Variants in CALN1 observed in about 807,000 individuals in gnomAD.
CALN1 encodes the protein calneuron 1, also known as calcium-binding protein 8.
Under a neutral mutation model 30.6 loss-of-function variants are expected in CALN1, and 17 were observed. The ratio of observed to expected loss-of-function variants is 0.56; its 90% CI spans 0.38 to 0.83. The LOEUF is 0.83. CALN1 is among the 40% of genes least tolerant of loss of function. CALN1 has a pLI of 0.00. For synonymous variants in CALN1, 156 were observed against 131.4 expected (o/e 1.19, Z -1.28); for missense variants, 291 against 354.9 (o/e 0.82, Z 1.45).
chr7:72,168,456 T>A (rs1236305390), intron 3 of CALN1, among the ~76,000 whole-genome samples: 1 of 152,212 alleles, frequency 6.6e-6, no homozygotes, highest in African/African-American at 2.4e-5. Flanking sequence ...CTAATGAATC[T>A]ACAGCTCAGG....
Position 71,811,210 on chromosome 7 carries a change from T to C in CALN1, c.502-718A>G, listed in dbSNP as rs373223005. On this transcript the variant is annotated intron_variant, in intron 5 of 6. Coordinates refer to ENST00000395275, the MANE Select transcript of CALN1 (RefSeq NM_031468.4). ...CCACGCCCGGCCTAATTATGTATCG[T>C]TTAAAAAAAAATTTAGAGACAGGGT... Among the ~76,000 whole-genome samples the C allele has an allele frequency of 9.2e-5, 14 of 151,994 alleles. 1 individual carries two copies. The East Asian group carries it at 9.7e-4, about 11-fold the overall frequency.
intron 3 of CALN1, among the ~76,000 whole-genome samples, chr7:72,216,289 G>A (rs1253176405): frequency 6.6e-6 from 1 of 151,950 alleles, no homozygotes; most frequent in African/African-American, 2.4e-5. Flanking sequence ...AACTGAGCGT[G>A]GTGGTGTGCA....
chr7:72,336,881 C>G (rs1802094340), intron 2 of CALN1: 1 of 985,042 alleles, frequency 1.0e-6, no homozygotes, highest in Non-Finnish European at 1.2e-6. Flanking sequence ...GGCATCCTCG[C>G]TGCCGCCGGC....
chr7:71,993,127 G>A (rs1799045826), intron 5 of CALN1, among the ~76,000 whole-genome samples: 3 of 152,078 alleles, frequency 2.0e-5, no homozygotes, highest in African/African-American at 7.2e-5. Context: ...TAGCCAGAAG[G>A]CAACATGGAT....
intron 1 of CALN1, among the ~76,000 whole-genome samples, chr7:72,440,803 A>G (rs1808321493): frequency 6.6e-6 from 1 of 152,182 alleles, no homozygotes; most frequent in East Asian, 1.9e-4. Context: ...CTCCAGCCTC[A>G]GCAACAGAGC....
chr7:71,982,255 G>C (rs1798437855), intron 5 of CALN1, among the ~76,000 whole-genome samples: 1 of 152,172 alleles, frequency 6.6e-6, no homozygotes, highest in Non-Finnish European at 1.5e-5. Context: ...CAGAGATGCT[G>C]AATAATTAAT....
chr7:71,883,698 C>A (rs1792721016), intron 5 of CALN1, among the ~76,000 whole-genome samples: 1 of 152,094 alleles, frequency 6.6e-6, no homozygotes, highest in Non-Finnish European at 1.5e-5. Context: ...GTAAATCCCG[C>A]CCTTAGGTCA....
At chr7:72,008,470 GATA>G (rs139937414) in intron 5 of CALN1, among the ~76,000 whole-genome samples, 21,672 of 151,438 alleles carry the variant, frequency 0.14, 2,331 homozygotes, top group East Asian at 0.37. Context: ...TATTATAAAT[GATA>G]ATAAATGATC....
At chr7:72,379,745 G>A (rs1216336582) in intron 2 of CALN1, among the ~76,000 whole-genome samples, 1 of 152,166 alleles carries the variant, frequency 6.6e-6, no homozygotes, top group East Asian at 1.9e-4. Flanking sequence ...TCATGTTTTA[G>A]CATTCTATCT....
chr7:72,372,381 T>A (rs926193011), intron 2 of CALN1, among the ~76,000 whole-genome samples: 1 of 152,096 alleles, frequency 6.6e-6, no homozygotes, highest in Non-Finnish European at 1.5e-5. Context: ...CAACTGTAGT[T>A]GCAGAAAGCA....
intron 2 of CALN1, among the ~76,000 whole-genome samples, chr7:72,285,267 T>G (rs750918848): frequency 7.9e-5 from 12 of 152,174 alleles, no homozygotes; most frequent in Non-Finnish European, 1.6e-4. Context: ...GTTTTTGAGA[T>G]GGAGTCTTGC....
chr7:71,815,847 C>T (rs1396816216), intron 5 of CALN1, among the ~76,000 whole-genome samples: 1 of 136,478 alleles, frequency 7.3e-6, no homozygotes, highest in South Asian at 2.5e-4. Context: ...TCCCTCCTTC[C>T]TTCCTTCTTT....
At chr7:72,173,748 A>G (rs538256721) in intron 3 of CALN1, among the ~76,000 whole-genome samples, 2 of 152,320 alleles carry the variant, frequency 1.3e-5, no homozygotes, top group African/African-American at 4.8e-5. Flanking sequence ...CATGAGAAAG[A>G]AATAAACAAC....
chr7:72,406,558 A>C (rs1030923597), intron 1 of CALN1, among the ~76,000 whole-genome samples: 4 of 151,848 alleles, frequency 2.6e-5, no homozygotes, highest in Non-Finnish European at 5.9e-5. Context: ...TTTGAGCCCC[A>C]GTCTTGAAGT....
chr7:72,226,906 G>A (rs928569643), intron 3 of CALN1, among the ~76,000 whole-genome samples: 2 of 152,016 alleles, frequency 1.3e-5, no homozygotes, highest in South Asian at 2.1e-4. Context: ...GCATGATGGC[G>A]CATGTCTATA....
At chr7:72,238,695 G>T (rs1427448478) in intron 3 of CALN1, among the ~76,000 whole-genome samples, 1 of 152,102 alleles carries the variant, frequency 6.6e-6, no homozygotes, top group Non-Finnish European at 1.5e-5. Flanking sequence ...TCCCCTCTTT[G>T]CTCTGCACCT....
intron 5 of CALN1, among the ~76,000 whole-genome samples, chr7:71,956,461 T>A (rs1017048): frequency 0.26 from 38,473 of 150,546 alleles, 5,287 homozygotes; most frequent in Admixed American, 0.35. Context: ...GTATTTTTTT[T>A]AAAAATTATT....
At chr7:72,006,698 C>A (rs950721805) in intron 5 of CALN1, among the ~76,000 whole-genome samples, 1 of 151,892 alleles carries the variant, frequency 6.6e-6, no homozygotes, top group Non-Finnish European at 1.5e-5. Context: ...GGATGGACCA[C>A]GAAGGCTATT....
chr7:71,933,084 AGACAT>A (rs1795644166), intron 5 of CALN1, among the ~76,000 whole-genome samples: 1 of 152,068 alleles, frequency 6.6e-6, no homozygotes, highest in Admixed American at 6.6e-5. Flanking sequence ...CTACAGACAT[AGACAT>A]GCAAGCTAGA....
Sources: gnomAD v4.1 joint callset for allele counts (sites outside exome capture counted in the v4.1 genomes callset) on GRCh38, gnomAD v4.1.1 for gene constraint, MANE v1.5 for transcripts, NCBI Gene and HGNC (gene_info 2026-07-23, HGNC 2026-07-21) for gene names.